Variants in GRID2 observed in about 807,000 individuals in gnomAD.
GRID2 encodes glutamate ionotropic receptor delta type subunit 2.
A neutral mutation model predicts 114.8 loss-of-function variants in GRID2; 33 were observed. That is an observed-to-expected ratio of 0.29 (90% CI 0.22 to 0.38). The LOEUF (loss-of-function observed/expected upper bound fraction) is 0.38. Among genes scored for constraint, GRID2 ranks in the 10% least tolerant of loss-of-function variants. GRID2 has a pLI of 1.00. For missense variants in GRID2, 1,184 were observed against 1,257.7 expected (o/e 0.94, Z 0.89); for synonymous variants, 505 against 449.9 (o/e 1.12, Z -1.55).
chr4:93,419,523 G>C (rs1768056302), intron 9 of GRID2, among the ~76,000 whole-genome samples: 1 of 152,018 alleles, frequency 6.6e-6, no homozygotes, highest in Non-Finnish European at 1.5e-5. Context: ...GAATTTATGA[G>C]TAATGGTCCA....
chr4:93,384,250 C>T (rs1764116914), intron 8 of GRID2, among the ~76,000 whole-genome samples: 1 of 152,010 alleles, frequency 6.6e-6, no homozygotes, highest in African/African-American at 2.4e-5. Context: ...AATTGAGTTC[C>T]AACATATGAA....
chr4:92,621,840 A>G (rs1020589859), intron 2 of GRID2, among the ~76,000 whole-genome samples: 1 of 151,848 alleles, frequency 6.6e-6, no homozygotes, highest in Non-Finnish European at 1.5e-5. Flanking sequence ...ATGAAGGTAA[A>G]TACATAAGAA....
At chr4:93,439,459 T>G (rs1262246248) in intron 10 of GRID2, among the ~76,000 whole-genome samples, 3 of 152,050 alleles carry the variant, frequency 2.0e-5, no homozygotes, top group Non-Finnish European at 4.4e-5. Flanking sequence ...CATTTTGATT[T>G]TGTGGTACCT....
intron 4 of GRID2, among the ~76,000 whole-genome samples, chr4:93,121,858 G>A (rs1237675149): frequency 6.6e-6 from 1 of 152,076 alleles, no homozygotes; most frequent in Non-Finnish European, 1.5e-5. Context: ...ATTAGATTCA[G>A]ATTTTAATTT....
chr4:92,686,331 A>G (rs1264563543), intron 2 of GRID2, among the ~76,000 whole-genome samples: 1 of 152,052 alleles, frequency 6.6e-6, no homozygotes, highest in East Asian at 1.9e-4. Context: ...AATAATAATA[A>G]AATTTTAAAT....
intron 2 of GRID2, among the ~76,000 whole-genome samples, chr4:92,793,932 G>A (rs1240952514): frequency 6.6e-6 from 1 of 151,858 alleles, no homozygotes; most frequent in African/African-American, 2.4e-5. Flanking sequence ...AATGGAGCAG[G>A]TACATTGACA....
chr4:93,089,113 C>T (rs980602136), intron 3 of GRID2, among the ~76,000 whole-genome samples: 1 of 151,942 alleles, frequency 6.6e-6, no homozygotes, highest in African/African-American at 2.4e-5. Context: ...AGGTAACTTC[C>T]AGTAAGTGGA....
At chr4:92,844,705 CA>C (rs35173293) in intron 2 of GRID2, among the ~76,000 whole-genome samples, 2,279 of 92,872 alleles carry the variant, frequency 0.025, 30 homozygotes, top group East Asian at 0.12. Flanking sequence ...GACTCTGTCT[CA>C]AAAAAAAAAA....
chr4:92,321,397 A>T (rs1195593376), intron 1 of GRID2, among the ~76,000 whole-genome samples: 1 of 152,196 alleles, frequency 6.6e-6, no homozygotes, highest in African/African-American at 2.4e-5. Flanking sequence ...TCAAACTGAG[A>T]AGTGGGATAG....
intron 13 of GRID2, among the ~76,000 whole-genome samples, chr4:93,582,511 A>G (rs1284200083): frequency 6.6e-6 from 1 of 152,220 alleles, no homozygotes; most frequent in East Asian, 1.9e-4. Flanking sequence ...TTAACTTAAA[A>G]GAATTATTTT....
chr4:92,940,368 G>C (rs1292090453), intron 2 of GRID2, among the ~76,000 whole-genome samples: 1 of 136,926 alleles, frequency 7.3e-6, no homozygotes, highest in Admixed American at 8.7e-5. Flanking sequence ...CTCTCTGTTT[G>C]TCTGTTATTG....
chr4:93,623,278 G>A (rs11097377), intron 13 of GRID2, among the ~76,000 whole-genome samples: 73,777 of 151,652 alleles, frequency 0.49, 18,732 homozygotes, highest in East Asian at 0.66. Flanking sequence ...CCTACATTAG[G>A]TATTTCTCCT....
chr4:93,243,402 G>A (rs748041232), intron 8 of GRID2, among the ~76,000 whole-genome samples: 61 of 152,134 alleles, frequency 4.0e-4, no homozygotes, highest in Middle Eastern at 3.4e-3. Context: ...TACTAGATGT[G>A]TGTCCAAAAT....
chr4:93,156,391 A>T (rs1009442099), intron 4 of GRID2, among the ~76,000 whole-genome samples: 6 of 151,794 alleles, frequency 4.0e-5, no homozygotes, highest in African/African-American at 1.4e-4. Flanking sequence ...GTCAGGCAGC[A>T]TAGTGTTGGA....
chr4:92,946,484 C>T (rs1368025268), intron 2 of GRID2, among the ~76,000 whole-genome samples: 5 of 151,834 alleles, frequency 3.3e-5, no homozygotes, highest in Non-Finnish European at 7.4e-5. Context: ...TCCTAAATAC[C>T]TTTTCTTCCC....
intron 14 of GRID2, among the ~76,000 whole-genome samples, chr4:93,713,194 TG>T (rs1728632197): frequency 6.6e-6 from 1 of 152,162 alleles, no homozygotes; most frequent in African/African-American, 2.4e-5. Context: ...TGGAACAGAA[TG>T]TGTAATAATC....
At chr4:93,467,181 T>C (rs1318788078) in intron 11 of GRID2, among the ~76,000 whole-genome samples, 1 of 152,234 alleles carries the variant, frequency 6.6e-6, no homozygotes, top group East Asian at 1.9e-4. Context: ...GTGAAGAACA[T>C]GCCATGCCAG....
chr4:93,430,102 TG>T (rs1341192585), intron 10 of GRID2, among the ~76,000 whole-genome samples: 1 of 152,152 alleles, frequency 6.6e-6, no homozygotes, highest in Non-Finnish European at 1.5e-5. Flanking sequence ...ATTCCTATGA[TG>T]GGTATTTTAG....
intron 8 of GRID2, among the ~76,000 whole-genome samples, chr4:93,292,400 A>G (rs1753846407): frequency 6.6e-6 from 1 of 152,182 alleles, no homozygotes; most frequent in Admixed American, 6.5e-5. Context: ...GTAATAGAAA[A>G]AGATACAGGC....
Sources: gnomAD v4.1 joint callset for allele counts (sites outside exome capture counted in the v4.1 genomes callset) on GRCh38, gnomAD v4.1.1 for gene constraint, MANE v1.5 for transcripts, NCBI Gene and HGNC (gene_info 2026-07-23, HGNC 2026-07-21) for gene names.